Variants in DYM observed in about 807,000 individuals in gnomAD.
The protein encoded by DYM is dyggve-Melchior-Clausen syndrome protein.
Under a neutral mutation model 93.1 loss-of-function variants are expected in DYM, and 78 were observed. The ratio of observed to expected loss-of-function variants is 0.84; its 90% CI spans 0.70 to 1.01. The LOEUF (loss-of-function observed/expected upper bound fraction) is 1.01. Ranked by LOEUF, DYM falls within the 50% of genes least tolerant of loss-of-function variation. DYM has a pLI of 0.00. For missense variants in DYM, 789 were observed against 845.0 expected, an observed-to-expected ratio of 0.93 and a Z score of 0.82; for synonymous variants, 321 against 319.7, an observed-to-expected ratio of 1.00 and a Z score of -0.04.
chr18:49,458,112 A>G (rs2083159302), intron 1 of DYM, among the ~76,000 whole-genome samples: 1 of 152,246 alleles, frequency 6.6e-6, no homozygotes, highest in Admixed American at 6.5e-5. Context: ...TACAGCAATC[A>G]TAGAAAACTG....
chr18:49,121,778 A>C (rs2082404744), intron 15 of DYM, among the ~76,000 whole-genome samples: 2 of 152,214 alleles, frequency 1.3e-5, no homozygotes, highest in Non-Finnish European at 2.9e-5. Flanking sequence ...TAGTGGCATC[A>C]TTAAAGCACT....
chr18:49,114,703 C>T (rs1213451065), intron 16 of DYM: 1 of 398,904 alleles, frequency 2.5e-6, no homozygotes, highest in East Asian at 1.6e-4. Context: ...AAGAGATGGT[C>T]TTGAATTTCT....
chr18:49,348,486 G>A (rs1470573563), intron 6 of DYM, among the ~76,000 whole-genome samples: 1 of 152,010 alleles, frequency 6.6e-6, no homozygotes, highest in East Asian at 1.9e-4. Context: ...CAAGAAATGT[G>A]GATTTTAGTC....
chr18:49,210,870 G>A (rs2092747547), intron 13 of DYM, among the ~76,000 whole-genome samples: 2 of 152,128 alleles, frequency 1.3e-5, no homozygotes, highest in Admixed American at 6.5e-5. Context: ...GGGGAGAAAA[G>A]GCATACTCAC....
chr18:49,040,953 T>C lies in DYM; in HGVS notation c.*3102A>G, dbSNP rs114257754. ...CAAGCTCTTAGGAAGTTGCTGAGTGTTCTGATGCTGGTCCTGTGTCCTTTC... is the reference window on the plus strand; with the variant it reads ...CAAGCTCTTAGGAAGTTGCTGAGTGCTCTGATGCTGGTCCTGTGTCCTTTC... On this transcript the variant is annotated 3_prime_UTR_variant, in exon 18 of 18. Coordinates refer to ENST00000675505, the MANE Select transcript of DYM (RefSeq NM_001353214.3). Among the ~76,000 whole-genome samples the C allele has an allele frequency of 1.1e-3, 175 of 152,378 alleles. No individual in the cohort carries two copies. Among genetic ancestry groups the C allele is most frequent in the African/African-American group, 3.9e-3 (164 of 41,598 alleles).
At chr18:49,421,040 C>A (rs768675839) in intron 2 of DYM, among the ~76,000 whole-genome samples, 1 of 152,218 alleles carries the variant, frequency 6.6e-6, no homozygotes, top group Non-Finnish European at 1.5e-5. Flanking sequence ...TCAAGGAGAA[C>A]TGCCTGCCTC....
At chr18:49,103,495 T>C (rs2080417410) in intron 16 of DYM, among the ~76,000 whole-genome samples, 1 of 152,258 alleles carries the variant, frequency 6.6e-6, no homozygotes, top group African/African-American at 2.4e-5. Flanking sequence ...CCTATGTCTA[T>C]GTCCTGAATG....
In DYM at chr18:49,121,222, A is replaced by C. The variant is rs79580717; in HGVS notation, c.1729-2296T>G. ...AGAAAGAGACAAATGGTAATGCTAGAAATTTTGTAAAATGTGGTGACTGCA... is the reference window on the plus strand; with the variant it reads ...AGAAAGAGACAAATGGTAATGCTAGCAATTTTGTAAAATGTGGTGACTGCA... On this transcript the variant is annotated intron_variant, in intron 15 of 17. Transcript: ENST00000675505. Among the ~76,000 whole-genome samples, 461 of 152,364 alleles carry C rather than the reference A, an allele frequency of 3.0e-3. 3 individuals are homozygous for C. The highest frequency in any genetic ancestry group is 0.01 in the African/African-American group (427 of 41,578).
chr18:49,398,499 A>C (rs2148004742), intron 2 of DYM, among the ~76,000 whole-genome samples: 1 of 152,336 alleles, frequency 6.6e-6, no homozygotes, highest in East Asian at 1.9e-4. Context: ...TGCATAGTTT[A>C]GGGCTGTGGG....
At chr18:49,057,980 G>A (rs1180592178) in intron 17 of DYM, among the ~76,000 whole-genome samples, 2 of 152,228 alleles carry the variant, frequency 1.3e-5, no homozygotes, top group Non-Finnish European at 2.9e-5. Flanking sequence ...GTGCAGGCAG[G>A]GCTGAGAGGC....
intron 14 of DYM, among the ~76,000 whole-genome samples, chr18:49,186,794 A>G (rs770832444): frequency 1.1e-4 from 17 of 152,330 alleles, no homozygotes; most frequent in Non-Finnish European, 2.2e-4. Context: ...CGCATAATCC[A>G]GAGGGATCTT....
At chr18:49,433,494 G>A (rs1319746502) in intron 1 of DYM, among the ~76,000 whole-genome samples, 1 of 152,126 alleles carries the variant, frequency 6.6e-6, no homozygotes, top group Non-Finnish European at 1.5e-5. Flanking sequence ...GTCTACGAGT[G>A]CTAAACCTTC....
At chr18:49,125,575 G>T (rs2082737197) in intron 15 of DYM, among the ~76,000 whole-genome samples, 1 of 152,152 alleles carries the variant, frequency 6.6e-6, no homozygotes, top group East Asian at 1.9e-4. Flanking sequence ...ATTTCTACGT[G>T]CATTACTTTA....
intron 6 of DYM, among the ~76,000 whole-genome samples, chr18:49,352,539 C>A (rs1486276556): frequency 6.6e-6 from 1 of 152,124 alleles, no homozygotes; most frequent in Non-Finnish European, 1.5e-5. Flanking sequence ...GGGATACAGA[C>A]TGACTACAAG....
At position 49,323,560 on chromosome 18, in the gene DYM, C is replaced by T. The variant is rs142528680; in HGVS notation, c.763+8304G>A. 1.1e-4 allele frequency among the ~76,000 whole-genome samples: 17 copies of T among 152,178 alleles called. No homozygotes were observed. In the East Asian group the frequency reaches 3.3e-3, roughly 29 times the overall value. ...GGAGCCCCCATGATGGGCTTAGTGC[C>T]CTCAAAAGAAAAGACCAGAGCTTCC... On this transcript the variant is annotated intron_variant, in intron 8 of 17. Transcript: ENST00000675505.
At chr18:49,457,848 T>G (rs1285526548) in intron 1 of DYM, among the ~76,000 whole-genome samples, 1 of 152,226 alleles carries the variant, frequency 6.6e-6, no homozygotes, top group Non-Finnish European at 1.5e-5. Flanking sequence ...TTCCCACTTG[T>G]GGTCAGAGAC....
intron 3 of DYM, among the ~76,000 whole-genome samples, chr18:49,382,941 T>G (rs1220710912): frequency 6.6e-6 from 1 of 152,138 alleles, no homozygotes; most frequent in Admixed American, 6.6e-5. Flanking sequence ...AAACAAACTT[T>G]TCTAAGATCT....
chr18:49,179,098 C>T (rs2089670368), intron 14 of DYM, among the ~76,000 whole-genome samples: 2 of 152,248 alleles, frequency 1.3e-5, no homozygotes, highest in Non-Finnish European at 1.5e-5. Context: ...GAGGTGACAA[C>T]TAGACCACAG....
intron 14 of DYM, among the ~76,000 whole-genome samples, chr18:49,188,244 T>A (rs2090634187): frequency 6.6e-6 from 1 of 152,168 alleles, no homozygotes; most frequent in African/African-American, 2.4e-5. Flanking sequence ...ACAAACTGAC[T>A]TGGTTTCATT....
Sources: gnomAD v4.1 joint callset for allele counts (sites outside exome capture counted in the v4.1 genomes callset) on GRCh38, gnomAD v4.1.1 for gene constraint, MANE v1.5 for transcripts, NCBI Gene and HGNC (gene_info 2026-07-23, HGNC 2026-07-21) for gene names.